The following ZC3H12B variants were observed in gnomAD, a reference collection of about 807,000 sequenced individuals.
ZC3H12B encodes the protein probable ribonuclease ZC3H12B.
ZC3H12B carries 7 observed loss-of-function variants against 43.9 expected under a neutral mutation model. That is an observed-to-expected ratio of 0.16 (90% confidence interval 0.09 to 0.30). ZC3H12B has a LOEUF of 0.30. ZC3H12B is among the 10% of genes least tolerant of loss of function. The pLI is 1.00. For synonymous variants in ZC3H12B, 222 were observed against 241.7 expected, an observed-to-expected ratio of 0.92 and a Z score of 0.76; for missense variants, 475 against 670.2, an observed-to-expected ratio of 0.71 and a Z score of 3.22.
intron 1 of ZC3H12B, among the ~76,000 whole-genome samples, chrX:65,491,735 A>G (rs890775973): frequency 1.9e-5 from 2 of 104,639 alleles, no homozygotes; most frequent in Admixed American, 2.1e-4. Flanking sequence ...ATATATATAT[A>G]TGACATATTT....
chrX:65,053,010 T>C, the ZC3H12B span, among the ~76,000 whole-genome samples: 12 of 111,895 alleles, frequency 1.1e-4, no homozygotes, highest in African/African-American at 3.9e-4. Context: ...TAGATTTGAT[T>C]TGCATTTCTC....
At position 65,373,685 on chromosome X, in the gene ZC3H12B, G is replaced by A. The variant is rs1237407912; in HGVS notation, n.295+4687G>A. On this transcript the variant is annotated intron_variant and non_coding_transcript_variant, in intron 2 of 5. Transcript: ENST00000617377. ...ATGTTCTCACTCATAGGTGAGAATT[G>A]ATCAATGAGGACACTTGGACACAGG... Among the ~76,000 whole-genome samples the A allele has an allele frequency of 8.7e-5, 8 of 92,133 alleles. 1 individual carries two copies. Among genetic ancestry groups the A allele is most frequent in the Non-Finnish European group, 1.7e-4 (8 of 47,511 alleles). 80.0% of individuals were successfully genotyped at this position (92,133 alleles called of 115,157 possible).
At chrX:65,157,455 G>T in the ZC3H12B span, among the ~76,000 whole-genome samples, 1 of 111,851 alleles carries the variant, frequency 8.9e-6, no homozygotes, top group Non-Finnish European at 1.9e-5. Flanking sequence ...TTATGTAGTG[G>T]TGTTATTTCT....
chrX:65,164,430 A>G, the ZC3H12B span, among the ~76,000 whole-genome samples: 2 of 111,528 alleles, frequency 1.8e-5, no homozygotes, highest in Non-Finnish European at 3.8e-5. Context: ...TATAGGAGCA[A>G]TTAGGGAGGA....
At chrX:65,413,752 T>G (rs778349132) in intron 3 of ZC3H12B, among the ~76,000 whole-genome samples, 56 of 112,166 alleles carry the variant, frequency 5.0e-4, no homozygotes, top group East Asian at 8.4e-4. Flanking sequence ...AAGATTTTTT[T>G]TGTGTGTGGC....
At chrX:65,063,756 G>A in the ZC3H12B span, among the ~76,000 whole-genome samples, 2 of 112,043 alleles carry the variant, frequency 1.8e-5, no homozygotes, top group Non-Finnish European at 3.8e-5. Flanking sequence ...TTGTACCTCT[G>A]GTAGAAATTG....
At chrX:65,376,433 G>A (rs1373134915) in intron 2 of ZC3H12B, among the ~76,000 whole-genome samples, 1 of 111,320 alleles carries the variant, frequency 9.0e-6, no homozygotes, top group Admixed American at 9.6e-5. Context: ...AAAATAGGTG[G>A]TAGCCAGAGA....
the ZC3H12B span, among the ~76,000 whole-genome samples, chrX:65,142,593 GT>G: frequency 8.9e-6 from 1 of 112,322 alleles, no homozygotes; most frequent in Admixed American, 9.4e-5. Context: ...GTCTTGAAGG[GT>G]TTTTCCAATG....
chrX:65,232,424 A>G, the ZC3H12B span, among the ~76,000 whole-genome samples: 5 of 110,929 alleles, frequency 4.5e-5, no homozygotes, highest in African/African-American at 1.6e-4. Context: ...ATGAAAAAAG[A>G]ACAAAAAGTC....
intron 3 of ZC3H12B, among the ~76,000 whole-genome samples, chrX:65,422,885 A>G (rs926764166): frequency 3.0e-5 from 3 of 100,295 alleles, no homozygotes; most frequent in African/African-American, 7.5e-5. Flanking sequence ...GTGGCTGCAT[A>G]GTATTCCATG....
At chrX:65,086,643 T>C in the ZC3H12B span, among the ~76,000 whole-genome samples, 14 of 112,142 alleles carry the variant, frequency 1.2e-4, no homozygotes, top group African/African-American at 4.2e-4. Flanking sequence ...CTTTGCTCCT[T>C]CTGCTATATG....
At chrX:65,136,019 T>C in the ZC3H12B span, among the ~76,000 whole-genome samples, 2 of 111,832 alleles carry the variant, frequency 1.8e-5, no homozygotes, top group Non-Finnish European at 3.8e-5. Context: ...GCAATTTCTC[T>C]ATTTTCTGAG....
chrX:65,147,873 T>A, the ZC3H12B span, among the ~76,000 whole-genome samples: 3 of 110,481 alleles, frequency 2.7e-5, no homozygotes, highest in East Asian at 8.7e-4. Context: ...GCCTTGAGCA[T>A]GGGGCTATGG....
the ZC3H12B span, among the ~76,000 whole-genome samples, chrX:65,314,225 AAG>A: frequency 1.8e-5 from 2 of 111,395 alleles, no homozygotes; most frequent in East Asian, 2.8e-4. Context: ...AGAGAGAAGA[AAG>A]AGAGGAGTAC....
chrX:65,301,986 A>T, the ZC3H12B span, among the ~76,000 whole-genome samples: 3 of 111,774 alleles, frequency 2.7e-5, no homozygotes, highest in African/African-American at 9.7e-5. Context: ...ATTTAAAAAA[A>T]AAAACTTTTT....
upstream of ZC3H12B, among the ~76,000 whole-genome samples, chrX:65,487,851 G>A (rs2068146217): frequency 8.9e-6 from 1 of 111,788 alleles, no homozygotes; most frequent in Non-Finnish European, 1.9e-5. Flanking sequence ...TAAGAGTAAC[G>A]CTGGAGAGCA....
intron 3 of ZC3H12B, among the ~76,000 whole-genome samples, chrX:65,468,005 G>A (rs1182126930): frequency 8.9e-6 from 1 of 111,882 alleles, no homozygotes; most frequent in Non-Finnish European, 1.9e-5. Context: ...TGTTTTAGGG[G>A]TCTTAGTTAT....
At chrX:65,406,718 C>CGGT (rs2066832371) in intron 3 of ZC3H12B, among the ~76,000 whole-genome samples, 1 of 111,546 alleles carries the variant, frequency 9.0e-6, no homozygotes, top group African/African-American at 3.2e-5. Context: ...GCGGCGGCGG[C>CGGT]GGTAGGAGCG....
the ZC3H12B span, among the ~76,000 whole-genome samples, chrX:65,118,977 A>T: frequency 5.5e-5 from 6 of 109,982 alleles, no homozygotes; most frequent in African/African-American, 9.9e-5. Context: ...AAGGACATGA[A>T]CTCATCCTTT....
Sources: allele counts gnomAD v4.1 joint callset (sites outside exome capture counted in the v4.1 genomes callset), GRCh38; gene constraint gnomAD v4.1.1; transcripts MANE v1.5; gene names NCBI Gene and HGNC (gene_info 2026-07-23, HGNC 2026-07-21).